CPM: variants seen among roughly 807,000 people sequenced by gnomAD.
CPM encodes carboxypeptidase M.
Under a neutral mutation model 46.4 loss-of-function variants are expected in CPM, and 35 were observed. The observed-to-expected ratio is 0.75, with a 90% CI of 0.58 to 1.00. The LOEUF (loss-of-function observed/expected upper bound fraction) is 1.00. Among genes scored for constraint, CPM ranks in the 50% least tolerant of loss-of-function variants. CPM has a pLI of 0.00. For missense variants in CPM, 422 were observed against 530.4 expected (o/e 0.80, Z 2.01); for synonymous variants, 195 against 195.3 (o/e 1.00, Z 0.01).
At chr12:68,887,695 C>T (rs1056116499) in intron 2 of CPM, among the ~76,000 whole-genome samples, 2 of 152,170 alleles carry the variant, frequency 1.3e-5, no homozygotes, top group Non-Finnish European at 2.9e-5. Context: ...CAATGAATTT[C>T]TGATCTATTG....
At chr12:68,876,827 A>T (rs1374135965) in intron 3 of CPM, among the ~76,000 whole-genome samples, 4 of 152,060 alleles carry the variant, frequency 2.6e-5, no homozygotes, top group Admixed American at 6.6e-5. Flanking sequence ...ACAGAAAAAA[A>T]TTTTTGAAGG....
intron 2 of CPM, among the ~76,000 whole-genome samples, chr12:68,886,207 C>A (rs1359537871): frequency 1.3e-5 from 2 of 152,076 alleles, no homozygotes; most frequent in Non-Finnish European, 2.9e-5. Context: ...GATCCTGGAG[C>A]CTTTGAGATC....
chr12:68,884,955 G>GT (rs1054557991), intron 3 of CPM, among the ~76,000 whole-genome samples: 11 of 152,050 alleles, frequency 7.2e-5, no homozygotes, highest in African/African-American at 1.9e-4. Context: ...GTTTTGTTTT[G>GT]TTTTTTTAGA....
At chr12:68,845,071 T>TA (rs1884166008) in intron 5 of CPM, 1 of 215,214 alleles carries the variant, frequency 4.6e-6, no homozygotes, top group Admixed American at 5.8e-5. Flanking sequence ...CCCAGCCTAA[T>TA]AAGGGTTTTA....
At chr12:68,943,988 G>A (rs1395399332) in intron 1 of CPM, among the ~76,000 whole-genome samples, 1 of 152,016 alleles carries the variant, frequency 6.6e-6, no homozygotes. Context: ...TGTATATATA[G>A]CAGAGTGACA....
At chr12:68,931,465 C>T (rs533040206) in intron 2 of CPM, among the ~76,000 whole-genome samples, 5 of 151,982 alleles carry the variant, frequency 3.3e-5, no homozygotes, top group Non-Finnish European at 5.9e-5. Flanking sequence ...GGTATCTCGG[C>T]CGGGCACGGT....
rs1438697939 is a variant in CPM, at chr12:68,895,945, C to T, written c.161-10056G>A. On this transcript the variant is annotated intron_variant, in intron 2 of 8. Coordinates refer to ENST00000551568, the MANE Select transcript of CPM (RefSeq NM_198320.5). Reference sequence around the variant, plus strand: ...GATTGATCATATGTGAACTGGATCCCATGGCTCTAACTGCTTTTCCTTCAA... The same window carrying T: ...GATTGATCATATGTGAACTGGATCCTATGGCTCTAACTGCTTTTCCTTCAA... 2.6e-5 allele frequency among the ~76,000 whole-genome samples: 4 copies of T among 152,172 alleles called. 1 individual carries two copies. The highest frequency in any genetic ancestry group is 9.7e-5 in the African/African-American group (4 of 41,434).
At chr12:68,939,942 T>G (rs890099174) in intron 1 of CPM, among the ~76,000 whole-genome samples, 1 of 152,132 alleles carries the variant, frequency 6.6e-6, no homozygotes, top group African/African-American at 2.4e-5. Context: ...TGTTCTTCTT[T>G]TAAAAAATAG....
chr12:68,932,645 G>A (rs749251558), intron 2 of CPM, 33 bp downstream of exon 2: 7 of 1,610,858 alleles, frequency 4.3e-6, no homozygotes, highest in African/African-American at 1.3e-5. Flanking sequence ...GAGGACTGAG[G>A]GTTTGGCAAA....
chr12:68,939,096 CTA>C (rs1276732293), intron 1 of CPM, among the ~76,000 whole-genome samples: 2 of 144,950 alleles, frequency 1.4e-5, no homozygotes, highest in Non-Finnish European at 3.0e-5. Context: ...ACATATGTAT[CTA>C]TATATACATT....
At chr12:68,858,862 G>T in intron 8 of CPM, 61 bp downstream of exon 8, 6 of 1,094,126 alleles carry the variant, frequency 5.5e-6, no homozygotes, top group Non-Finnish European at 7.2e-6. Flanking sequence ...TTCCTTCTGG[G>T]TGAATAAGTA....
rs943020777 is a variant in CPM at position 68,908,121 on chromosome 12, G to A, written c.161-22232C>T. Among the ~76,000 whole-genome samples the A allele has an allele frequency of 3.3e-5, 5 of 152,018 alleles. No individual in the cohort carries two copies. The East Asian group carries it at 7.7e-4, about 23-fold the overall frequency. On this transcript the variant is annotated intron_variant, in intron 2 of 8. Transcript: ENST00000551568. Reference sequence around the variant, plus strand: ...GAATACAGGCGTAAGCCACCACACCGGCTTGGGTTATTTTTAAATGGACTA... The same window carrying A: ...GAATACAGGCGTAAGCCACCACACCAGCTTGGGTTATTTTTAAATGGACTA...
At chr12:68,955,515 T>C (rs959769756) in intron 1 of CPM, among the ~76,000 whole-genome samples, 1 of 151,720 alleles carries the variant, frequency 6.6e-6, no homozygotes, top group Admixed American at 6.6e-5. Context: ...GGGGGGGGCA[T>C]GTTTCAGCCC....
chr12:68,962,188 A>G (rs1444493166), intron 1 of CPM, among the ~76,000 whole-genome samples: 1 of 128,586 alleles, frequency 7.8e-6, no homozygotes, highest in Non-Finnish European at 1.6e-5. Context: ...CGACAGAGCG[A>G]GACTCCATCT....
At chr12:68,903,167 C>G (rs998398359) in intron 2 of CPM, among the ~76,000 whole-genome samples, 1 of 152,162 alleles carries the variant, frequency 6.6e-6, no homozygotes, top group Non-Finnish European at 1.5e-5. Context: ...AAACTTGAAC[C>G]TATTTTGGGA....
Position 68,851,921 on chromosome 12 carries a change from AT to A in CPM, c.*4515del, listed in dbSNP as rs771038279. On this transcript the variant is annotated 3_prime_UTR_variant, in exon 9 of 9. Transcript: ENST00000551568. The stretch of plus-strand genomic sequence containing the variant: ...CTATCATAAAATATACATCAACTGT[AT>A]TGTTACCATATAGAATAACAACCAG... 2.0e-5 allele frequency: 3 copies of A among 152,238 alleles called. No homozygotes were observed. Among genetic ancestry groups the A allele is most frequent in the Non-Finnish European group, 4.4e-5 (3 of 68,040 alleles). The allele number at this position is 152,238 out of a possible 1,614,324, so 9.4% of individuals were successfully genotyped here.
At chr12:68,931,763 A>AAAAAAAAAAAAAAAG (rs1482981614) in intron 2 of CPM, among the ~76,000 whole-genome samples, 4 of 132,500 alleles carry the variant, frequency 3.0e-5, no homozygotes, top group East Asian at 2.0e-4. Context: ...AAAAAAAAAA[A>AAAAAAAAAAAAAAAG]AAAGAAAGAA....
chr12:68,949,918 G>A (rs888465680), intron 1 of CPM, among the ~76,000 whole-genome samples: 2 of 152,142 alleles, frequency 1.3e-5, no homozygotes, highest in African/African-American at 4.8e-5. Flanking sequence ...GTCAAGACCT[G>A]GAAGAGTCTG....
At chr12:68,845,306 T>C in intron 5 of CPM, 1 of 213,668 alleles carries the variant, frequency 4.7e-6, no homozygotes, top group Admixed American at 5.8e-5. Context: ...AGAGGGACTT[T>C]TTGACATTTA....
Sources: allele counts gnomAD v4.1 joint callset (sites outside exome capture counted in the v4.1 genomes callset), GRCh38; gene constraint gnomAD v4.1.1; transcripts MANE v1.5; gene names NCBI Gene and HGNC (gene_info 2026-07-23, HGNC 2026-07-21).